Variants in FRMD4B observed in about 807,000 individuals in gnomAD.
FRMD4B encodes the protein FERM domain-containing protein 4B.
Under a neutral mutation model 141.5 loss-of-function variants are expected in FRMD4B, and 74 were observed. The observed-to-expected ratio is 0.52, with a 90% CI of 0.43 to 0.63. FRMD4B has a LOEUF of 0.63. FRMD4B is among the 30% of genes least tolerant of loss of function. The probability of loss-of-function intolerance (pLI) is 0.00; values close to 1 mark genes in which losing one functional copy is unlikely to be tolerated. For synonymous variants in FRMD4B, 506 were observed against 467.9 expected, an observed-to-expected ratio of 1.08 and a Z score of -1.05; for missense variants, 1,366 against 1,253.4, an observed-to-expected ratio of 1.09 and a Z score of -1.36.
At chr3:69,372,264 T>G (rs1159504994) in intron 1 of FRMD4B, among the ~76,000 whole-genome samples, 1 of 152,250 alleles carries the variant, frequency 6.6e-6, no homozygotes, top group African/African-American at 2.4e-5. Context: ...CAGTGGACTC[T>G]GAGCTCCACA....
At chr3:69,436,060 C>A (rs867182362) in intron 1 of FRMD4B, among the ~76,000 whole-genome samples, 1 of 152,164 alleles carries the variant, frequency 6.6e-6, no homozygotes, top group Non-Finnish European at 1.5e-5. Flanking sequence ...TCAGTTACCA[C>A]CTCCTACTCA....
intron 1 of FRMD4B, among the ~76,000 whole-genome samples, chr3:69,451,243 C>A (rs1018959870): frequency 1.4e-4 from 21 of 151,520 alleles, no homozygotes; most frequent in African/African-American, 4.9e-4. Flanking sequence ...TGTCCTGCTG[C>A]GATCTCTTTT....
intron 1 of FRMD4B, among the ~76,000 whole-genome samples, chr3:69,511,157 T>C (rs1706680212): frequency 6.6e-6 from 1 of 152,230 alleles, no homozygotes; most frequent in Non-Finnish European, 1.5e-5. Flanking sequence ...TTTTATCAAA[T>C]ACAGATCTTC....
chr3:69,354,080 G>A (rs1703242997), intron 1 of FRMD4B, among the ~76,000 whole-genome samples: 2 of 152,168 alleles, frequency 1.3e-5, no homozygotes, highest in Admixed American at 6.5e-5. Flanking sequence ...GCTACTCACA[G>A]CCAGTTGATG....
At chr3:69,376,569 C>CA (rs958349316) in intron 1 of FRMD4B, among the ~76,000 whole-genome samples, 6 of 149,730 alleles carry the variant, frequency 4.0e-5, no homozygotes, top group Admixed American at 1.3e-4. Context: ...ATTTAAGAGA[C>CA]AAAAAAATGA....
Position 69,253,181 on chromosome 3 carries a change from CTATTTTT to C in FRMD4B, c.502-3089_502-3083del, listed in dbSNP as rs1300021346. On this transcript the variant is annotated intron_variant, in intron 5 of 22. Transcript: ENST00000398540. ...AGGGAAATTAGTGAAAATATGATTC[CTATTTTT>C]TTTTTTTTTTTTTTTTGCAGATGAT... Among the ~76,000 whole-genome samples the C allele has an allele frequency of 1.8e-3, 214 of 121,962 alleles. 2 individuals carry two copies. The South Asian group carries it at 0.019, about 11-fold the overall frequency. 80.0% of individuals were successfully genotyped at this position (121,962 alleles called of 152,430 possible).
chr3:69,239,397 A>G (rs2093366768), intron 7 of FRMD4B, among the ~76,000 whole-genome samples: 1 of 152,172 alleles, frequency 6.6e-6, no homozygotes, highest in African/African-American at 2.4e-5. Flanking sequence ...ATGGGGATCA[A>G]CTGTCAAGCT....
At chr3:69,208,520 CCTA>C (rs2093045910) in intron 11 of FRMD4B, among the ~76,000 whole-genome samples, 1 of 152,082 alleles carries the variant, frequency 6.6e-6, no homozygotes, top group Non-Finnish European at 1.5e-5. Context: ...TTCTAACATG[CCTA>C]TCTCCTTCCC....
intron 7 of FRMD4B, among the ~76,000 whole-genome samples, chr3:69,225,830 T>C (rs1421725227): frequency 6.6e-6 from 1 of 150,928 alleles, no homozygotes. Context: ...ATGAACATGA[T>C]TATCTAAAGC....
chr3:69,318,703 A>G (rs1701888209), intron 1 of FRMD4B, among the ~76,000 whole-genome samples: 1 of 152,224 alleles, frequency 6.6e-6, no homozygotes, highest in Non-Finnish European at 1.5e-5. Context: ...AAAGTGATGG[A>G]TGTATTTTGT....
chr3:69,453,865 T>C (rs1374301217), intron 1 of FRMD4B, among the ~76,000 whole-genome samples: 1 of 151,448 alleles, frequency 6.6e-6, no homozygotes, highest in Non-Finnish European at 1.5e-5. Flanking sequence ...AAAGGATGAG[T>C]GAGAAAAATG....
chr3:69,368,560 G>A (rs1332704078), intron 1 of FRMD4B, among the ~76,000 whole-genome samples: 1 of 152,160 alleles, frequency 6.6e-6, no homozygotes, highest in Admixed American at 6.5e-5. Flanking sequence ...TTGAACAAAT[G>A]CAATTGCCAC....
chr3:69,446,116 C>T (rs1705407156), intron 1 of FRMD4B, among the ~76,000 whole-genome samples: 1 of 152,236 alleles, frequency 6.6e-6, no homozygotes, highest in South Asian at 2.1e-4. Flanking sequence ...TAACCTCCGC[C>T]TCCCAGGATC....
intron 2 of FRMD4B, among the ~76,000 whole-genome samples, chr3:69,410,742 T>A (rs7616676): frequency 0.065 from 985 of 15,214 alleles, 40 homozygotes; most frequent in African/African-American, 0.23. Flanking sequence ...TATATATATA[T>A]ATATATATAT....
intron 1 of FRMD4B, chr3:69,320,835 G>A (rs1217979277): frequency 1.3e-5 from 2 of 152,146 alleles, no homozygotes; most frequent in African/African-American, 4.8e-5. Context: ...CTCCCCTCAT[G>A]GAACCCCAGG....
At chr3:69,469,370 A>G (rs544778167) in intron 1 of FRMD4B, among the ~76,000 whole-genome samples, 3 of 152,328 alleles carry the variant, frequency 2.0e-5, no homozygotes, top group African/African-American at 7.2e-5. Context: ...GCAAAATTCA[A>G]AAGAAATGTT....
intron 20 of FRMD4B, among the ~76,000 whole-genome samples, 172 bp from the exon 21 acceptor site, chr3:69,181,882 C>T (rs1402795802): frequency 6.6e-6 from 1 of 152,118 alleles, no homozygotes; most frequent in African/African-American, 2.4e-5. Flanking sequence ...TGTTGGCTCA[C>T]ATGTAGGTTC....
chr3:69,296,522 T>A (rs1419282264), intron 4 of FRMD4B, among the ~76,000 whole-genome samples: 1 of 152,154 alleles, frequency 6.6e-6, no homozygotes, highest in African/African-American at 2.4e-5. Context: ...TCATGGGTGA[T>A]ACTGAGGCAA....
intron 1 of FRMD4B, among the ~76,000 whole-genome samples, chr3:69,447,876 G>A (rs1361561935): frequency 6.6e-6 from 1 of 152,042 alleles, no homozygotes; most frequent in Non-Finnish European, 1.5e-5. Flanking sequence ...CATATTAGTA[G>A]TTTGTTATTT....
Sources: allele counts gnomAD v4.1 joint callset (sites outside exome capture counted in the v4.1 genomes callset), GRCh38; gene constraint gnomAD v4.1.1; transcripts MANE v1.5; gene names NCBI Gene and HGNC (gene_info 2026-07-23, HGNC 2026-07-21).